R3HDM2: variants seen among roughly 807,000 people sequenced by gnomAD.
R3HDM2 encodes the protein R3H domain containing 2, also known as R3H domain-containing protein 2.
In R3HDM2, 38 loss-of-function variants were observed where a neutral mutation model predicts 124.5. The ratio of observed to expected loss-of-function variants is 0.31; its 90% CI spans 0.24 to 0.40. R3HDM2 has a LOEUF of 0.40. Among genes scored for constraint, R3HDM2 ranks in the 10% least tolerant of loss-of-function variants. The probability of loss-of-function intolerance (pLI) is 1.00; values close to 1 mark genes in which losing one functional copy is unlikely to be tolerated. For synonymous variants in R3HDM2, 391 were observed against 448.0 expected (o/e 0.87, Z 1.61); for missense variants, 869 against 1,236.9 (o/e 0.70, Z 4.46).
At chr12:57,395,364 C>T (rs1424098957) in intron 2 of R3HDM2, among the ~76,000 whole-genome samples, 1 of 151,270 alleles carries the variant, frequency 6.6e-6, no homozygotes. Context: ...ACTAGCCGGG[C>T]GTGGTGGTGC....
At chr12:57,315,067 G>A (rs528494450) in intron 2 of R3HDM2, among the ~76,000 whole-genome samples, 2 of 150,934 alleles carry the variant, frequency 1.3e-5, no homozygotes, top group South Asian at 2.1e-4. Context: ...TTGAGACAGA[G>A]TCTCGCTCTG....
intron 2 of R3HDM2, among the ~76,000 whole-genome samples, chr12:57,357,859 T>C (rs916089611): frequency 6.6e-6 from 1 of 152,102 alleles, no homozygotes; most frequent in East Asian, 1.9e-4. Flanking sequence ...CATGTTCCCA[T>C]TTTCATTCTG....
At chr12:57,290,624 A>G (rs760833150) in intron 11 of R3HDM2, among the ~76,000 whole-genome samples, 30 of 151,730 alleles carry the variant, frequency 2.0e-4, no homozygotes, top group Non-Finnish European at 1.6e-4. Flanking sequence ...TTATTTTTTT[A>G]TTTTTTGAGA....
chr12:57,267,303 T>A (rs2137322799), intron 18 of R3HDM2, among the ~76,000 whole-genome samples: 1 of 152,180 alleles, frequency 6.6e-6, no homozygotes, highest in South Asian at 2.1e-4. Flanking sequence ...ACGCCTGTAA[T>A]CCCAGCACTT....
chr12:57,355,354 G>C (rs886809509), intron 2 of R3HDM2, among the ~76,000 whole-genome samples: 2 of 150,924 alleles, frequency 1.3e-5, no homozygotes, highest in African/African-American at 2.4e-5. Context: ...AACTACTCGG[G>C]AGGCTGAGGC....
intron 2 of R3HDM2, among the ~76,000 whole-genome samples, chr12:57,325,612 T>G (rs2057196329): frequency 6.6e-6 from 1 of 152,088 alleles, no homozygotes; most frequent in African/African-American, 2.4e-5. Flanking sequence ...AGTGGTGTGA[T>G]CATAGCTCAC....
At chr12:57,287,852 G>A (rs2047691538) in intron 12 of R3HDM2, among the ~76,000 whole-genome samples, 1 of 152,110 alleles carries the variant, frequency 6.6e-6, no homozygotes, top group Non-Finnish European at 1.5e-5. Context: ...TTGAGAGACT[G>A]AAATGAAAGG....
At chr12:57,263,970 T>C (rs73120065) in intron 19 of R3HDM2, among the ~76,000 whole-genome samples, 12,088 of 151,098 alleles carry the variant, frequency 0.08, 643 homozygotes, top group Middle Eastern at 0.3. Context: ...CACGATAGAG[T>C]GGAAAGGAGA....
chr12:57,272,932 C>T lies in R3HDM2; in HGVS notation c.1345-2938G>A, dbSNP rs142213757. On this transcript the variant is annotated intron_variant, in intron 14 of 23. Coordinates refer to ENST00000402412, the MANE Select transcript of R3HDM2 (RefSeq NM_001394031.1). Reference sequence around the variant, plus strand: ...TCCCAAAGCAGTTTTTCTGAACACACAATTCCTGGGGAGCATGATCATAAC... The same window carrying T: ...TCCCAAAGCAGTTTTTCTGAACACATAATTCCTGGGGAGCATGATCATAAC... Among the ~76,000 whole-genome samples the T allele has an allele frequency of 7.2e-5, 11 of 152,218 alleles. No individual in the cohort carries two copies. In the East Asian group the frequency reaches 2.1e-3, roughly 29 times the overall value.
intron 20 of R3HDM2, among the ~76,000 whole-genome samples, 186 bp downstream of exon 20, chr12:57,258,704 G>C (rs1257255166): frequency 6.6e-6 from 1 of 152,108 alleles, no homozygotes; most frequent in African/African-American, 2.4e-5. Context: ...TTTCAAGTGT[G>C]TATCCCACCT....
intron 2 of R3HDM2, among the ~76,000 whole-genome samples, chr12:57,314,272 G>T (rs967723085): frequency 6.6e-6 from 1 of 151,862 alleles, no homozygotes; most frequent in Non-Finnish European, 1.5e-5. Context: ...CTGAGGTCAG[G>T]AGTTAGAGAC....
intron 2 of R3HDM2, among the ~76,000 whole-genome samples, chr12:57,331,749 C>T (rs1462110156): frequency 6.6e-6 from 1 of 151,746 alleles, no homozygotes; most frequent in Non-Finnish European, 1.5e-5. Flanking sequence ...CCCGTCTCCG[C>T]TAAAAATACA....
At chr12:57,258,793 G>T in intron 20 of R3HDM2, 97 bp downstream of exon 20, 2 of 1,169,528 alleles carry the variant, frequency 1.7e-6, no homozygotes, top group Non-Finnish European at 2.3e-6. Flanking sequence ...CCCAGGAAAA[G>T]ACATGTAAAA....
At chr12:57,291,787 C>T (rs1028706065) in intron 11 of R3HDM2, among the ~76,000 whole-genome samples, 7 of 152,144 alleles carry the variant, frequency 4.6e-5, no homozygotes, top group Non-Finnish European at 7.3e-5. Context: ...CTGGATACTA[C>T]ATTTTCTGGA....
Position 57,426,419 on chromosome 12 carries a change from C to A in R3HDM2, c.-106+4301G>T, listed in dbSNP as rs374045047. ...AACATTCTACCATTGTTAGAGAAACCTATTCTTAAAGTTTTTAAGCTCAAC... is the reference window on the plus strand; with the variant it reads ...AACATTCTACCATTGTTAGAGAAACATATTCTTAAAGTTTTTAAGCTCAAC... On this transcript the variant is annotated intron_variant, in intron 1 of 23. Coordinates refer to ENST00000402412, the MANE Select transcript of R3HDM2 (RefSeq NM_001394031.1). 8.5e-5 allele frequency among the ~76,000 whole-genome samples: 13 copies of A among 152,168 alleles called. No homozygotes were observed. The East Asian group carries it at 1.4e-3, about 16-fold the overall frequency.
At chr12:57,358,368 A>G (rs2061525006) in intron 2 of R3HDM2, among the ~76,000 whole-genome samples, 1 of 152,080 alleles carries the variant, frequency 6.6e-6, no homozygotes, top group Non-Finnish European at 1.5e-5. Flanking sequence ...CAAGTGGAGA[A>G]GTGTACGCCT....
intron 14 of R3HDM2, among the ~76,000 whole-genome samples, chr12:57,276,013 C>T (rs768135140): frequency 7.9e-5 from 12 of 151,552 alleles, no homozygotes; most frequent in Non-Finnish European, 1.5e-4. Flanking sequence ...GTCAGAAGAT[C>T]GAGACCATCC....
At chr12:57,338,986 G>A (rs2059216988) in intron 2 of R3HDM2, among the ~76,000 whole-genome samples, 1 of 151,984 alleles carries the variant, frequency 6.6e-6, no homozygotes, top group Non-Finnish European at 1.5e-5. Context: ...ACAACCCTAG[G>A]AAGTGGGTAC....
intron 2 of R3HDM2, chr12:57,341,353 T>A: frequency 2.1e-6 from 2 of 946,630 alleles, no homozygotes; most frequent in Non-Finnish European, 2.5e-6. Flanking sequence ...GGCACCCAGT[T>A]ACCAACATCA....
Sources: allele counts gnomAD v4.1 joint callset (sites outside exome capture counted in the v4.1 genomes callset), GRCh38; gene constraint gnomAD v4.1.1; transcripts MANE v1.5; gene names NCBI Gene and HGNC (gene_info 2026-07-23, HGNC 2026-07-21).